Variants in CCSER1 observed in about 807,000 individuals in gnomAD.
CCSER1 encodes the protein serine-rich coiled-coil domain-containing protein 1.
Under a neutral mutation model 82.0 loss-of-function variants are expected in CCSER1, and 41 were observed. The observed-to-expected ratio is 0.50, with a 90% CI of 0.39 to 0.65. The LOEUF (loss-of-function observed/expected upper bound fraction) is 0.65, where lower values mean the gene tolerates loss of function less well. CCSER1 is among the 30% of genes least tolerant of loss of function. The probability of loss-of-function intolerance (pLI) is 0.00; values close to 1 mark genes in which losing one functional copy is unlikely to be tolerated. For synonymous variants in CCSER1, 414 were observed against 383.9 expected, an observed-to-expected ratio of 1.08 and a Z score of -0.92; for missense variants, 1,119 against 1,064.2, an observed-to-expected ratio of 1.05 and a Z score of -0.72.
At chr4:91,031,842 A>C (rs548706632) in intron 9 of CCSER1, among the ~76,000 whole-genome samples, 1 of 152,140 alleles carries the variant, frequency 6.6e-6, no homozygotes, top group Non-Finnish European at 1.5e-5. Flanking sequence ...CAAATAAATG[A>C]ATCATTAAAA....
intron 9 of CCSER1, among the ~76,000 whole-genome samples, chr4:91,027,268 T>C (rs898287241): frequency 2.0e-5 from 3 of 152,088 alleles, no homozygotes; most frequent in Non-Finnish European, 4.4e-5. Context: ...ACATCTTCCA[T>C]TTTTATTTAC....
chr4:90,951,571 A>C (rs1732914805), intron 9 of CCSER1, among the ~76,000 whole-genome samples: 2 of 152,110 alleles, frequency 1.3e-5, no homozygotes, highest in Non-Finnish European at 2.9e-5. Flanking sequence ...TAGAAGGTTC[A>C]CAAGGTTTTG....
chr4:90,268,225 A>G (rs1265028802), intron 1 of CCSER1, among the ~76,000 whole-genome samples: 1 of 152,206 alleles, frequency 6.6e-6, no homozygotes, highest in Non-Finnish European at 1.5e-5. Context: ...CACTGGTAGT[A>G]ATAAATATGC....
intron 1 of CCSER1, among the ~76,000 whole-genome samples, chr4:90,151,042 A>G (rs1676156867): frequency 1.3e-5 from 2 of 152,086 alleles, no homozygotes; most frequent in African/African-American, 4.8e-5. Context: ...CCTGACAAAG[A>G]CTTGCTTGGT....
At chr4:91,081,356 T>C in intron 9 of CCSER1, among the ~76,000 whole-genome samples, 1 of 152,018 alleles carries the variant, frequency 6.6e-6, no homozygotes, top group East Asian at 2.0e-4. Context: ...TGAATAAAAT[T>C]CAACAGCCCT....
intron 7 of CCSER1, among the ~76,000 whole-genome samples, chr4:90,773,231 ACT>A (rs1752462594): frequency 6.6e-6 from 1 of 152,144 alleles, no homozygotes; most frequent in Non-Finnish European, 1.5e-5. Flanking sequence ...CAAGAGCGAA[ACT>A]CTGTCTCAAA....
At chr4:91,520,529 T>C (rs893947692) in intron 10 of CCSER1, among the ~76,000 whole-genome samples, 2 of 152,206 alleles carry the variant, frequency 1.3e-5, no homozygotes, top group Admixed American at 1.3e-4. Context: ...AATGATCTTT[T>C]AACTTACATA....
At chr4:90,613,119 A>T (rs1037038598) in intron 5 of CCSER1, among the ~76,000 whole-genome samples, 1 of 152,186 alleles carries the variant, frequency 6.6e-6, no homozygotes, top group Non-Finnish European at 1.5e-5. Context: ...AGGTGTGCCC[A>T]AAAGTATAAC....
intron 9 of CCSER1, among the ~76,000 whole-genome samples, chr4:91,066,401 C>A (rs1440252290): frequency 6.6e-6 from 1 of 152,124 alleles, no homozygotes. Context: ...TTCACCTGGC[C>A]TCCTTCGCAG....
At chr4:91,477,075 A>G (rs1757635637) in intron 10 of CCSER1, among the ~76,000 whole-genome samples, 1 of 151,838 alleles carries the variant, frequency 6.6e-6, no homozygotes, top group South Asian at 2.1e-4. Flanking sequence ...AATGGATTAC[A>G]TCATGCTAAA....
intron 10 of CCSER1, among the ~76,000 whole-genome samples, chr4:91,529,709 A>G (rs1760930030): frequency 6.6e-6 from 1 of 151,846 alleles, no homozygotes; most frequent in Non-Finnish European, 1.5e-5. Flanking sequence ...GATAGATCTA[A>G]GCTATTCTCT....
At chr4:90,311,508 C>A (rs1003195570) in intron 2 of CCSER1, among the ~76,000 whole-genome samples, 1 of 151,968 alleles carries the variant, frequency 6.6e-6, no homozygotes, top group East Asian at 1.9e-4. Context: ...TATTCATGTG[C>A]TATTTATAAG....
intron 10 of CCSER1, among the ~76,000 whole-genome samples, chr4:91,165,339 G>T (rs986917692): frequency 1.3e-5 from 2 of 152,140 alleles, no homozygotes; most frequent in South Asian, 4.1e-4. Flanking sequence ...GTCCCAGAGG[G>T]GTGCCTGCCT....
Position 91,514,589 on chromosome 4 carries a change from A to G in CCSER1, c.2218-83983A>G, listed in dbSNP as rs766858749. ...TATTGTTGTCCAGGTAAGCCTTTTT[A>G]TACATCTAGGAGTATTTGTTTTATG... On this transcript the variant is annotated intron_variant, in intron 10 of 10. Transcript: ENST00000509176. Among the ~76,000 whole-genome samples the G allele has an allele frequency of 3.3e-5, 5 of 151,682 alleles. 1 individual carries two copies. The highest frequency in any genetic ancestry group is 5.9e-5 in the Non-Finnish European group (4 of 67,952).
intron 10 of CCSER1, among the ~76,000 whole-genome samples, chr4:91,442,984 A>G (rs1031787578): frequency 6.6e-6 from 1 of 152,120 alleles, no homozygotes; most frequent in Non-Finnish European, 1.5e-5. Flanking sequence ...CAGGTGCTGG[A>G]GAGGATGTGG....
At chr4:90,180,614 T>A (rs547031194) in intron 1 of CCSER1, among the ~76,000 whole-genome samples, 43 of 152,126 alleles carry the variant, frequency 2.8e-4, no homozygotes, top group African/African-American at 1.0e-3. Context: ...GTTTATCTCC[T>A]GTCTAAAACT....
intron 10 of CCSER1, among the ~76,000 whole-genome samples, chr4:91,490,927 T>TATATATAA (rs1560712521): frequency 3.6e-5 from 3 of 82,918 alleles, no homozygotes; most frequent in African/African-American, 5.0e-5. Flanking sequence ...TATATATATA[T>TATATATAA]AAAATATGCG....
intron 10 of CCSER1, among the ~76,000 whole-genome samples, chr4:91,512,214 C>T (rs1050078101): frequency 2.0e-5 from 3 of 152,130 alleles, no homozygotes; most frequent in East Asian, 1.9e-4. Context: ...TTTGAATCAG[C>T]GCACTGGGAG....
intron 7 of CCSER1, chr4:90,780,509 A>C (rs747195767): frequency 6.2e-7 from 1 of 1,610,268 alleles, no homozygotes; most frequent in South Asian, 1.1e-5. Flanking sequence ...CAGGAGGCCT[A>C]GATGATCCAC....
Sources: allele counts gnomAD v4.1 joint callset (sites outside exome capture counted in the v4.1 genomes callset), GRCh38; gene constraint gnomAD v4.1.1; transcripts MANE v1.5; gene names NCBI Gene and HGNC (gene_info 2026-07-23, HGNC 2026-07-21).